The following ARL5A variants were observed in gnomAD, a reference collection of about 807,000 sequenced individuals.
The protein encoded by ARL5A is ADP-ribosylation factor-like protein 5A.
ARL5A carries 18 observed loss-of-function variants against 25.9 expected under a neutral mutation model. The observed-to-expected ratio is 0.69, with a 90% confidence interval of 0.48 to 1.03. ARL5A has a LOEUF of 1.03. ARL5A is among the 50% of genes least tolerant of loss of function. The pLI, the probability that ARL5A is intolerant of heterozygous loss-of-function variation, is 0.00. For missense variants in ARL5A, 170 were observed against 211.9 expected, an observed-to-expected ratio of 0.80 and a Z score of 1.23; for synonymous variants, 61 against 67.5, an observed-to-expected ratio of 0.90 and a Z score of 0.47.
Position 151,803,276 on chromosome 2 carries a change from T to C in ARL5A, c.540A>G (p.Ter180TrpextTer19). Reference protein sequence around the residue: ...EWMMSRLKIR* With the variant: ...EWMMSRLKIRW ...ATCTATGAGAAGAGGTCAGTAGAGA[T>C]CATCTAATCTTAAGTCGTGACATCA... The change falls in exon 6 of 6, where the codon TGA (stop) becomes TGG (tryptophan). Residue 180 changes from the stop codon to tryptophan, a stop_lost. Transcript: ENST00000295087. 6.2e-7 allele frequency: 1 copy of C among 1,611,436 alleles called. No individual in the cohort carries two copies. The highest frequency in any genetic ancestry group is 8.5e-7 in the Non-Finnish European group (1 of 1,177,692).
Position 151,812,385 on chromosome 2 carries a change from T to C in ARL5A, c.311A>G (p.Glu104Gly). The C allele has an allele frequency of 6.2e-7, 1 of 1,606,246 alleles. No homozygotes were observed. Among genetic ancestry groups the C allele is most frequent in the South Asian group, 1.1e-5 (1 of 89,826 alleles). ...TDRERISVTR[E>G]ELYKMLAHED... ...ATGCGCTAACATTTTATAGAGTTCTTCTCTAGTTACAGAAATCCTCTCTCT... is the reference window on the plus strand; with the variant it reads ...ATGCGCTAACATTTTATAGAGTTCTCCTCTAGTTACAGAAATCCTCTCTCT... The change falls in exon 4 of 6, where the codon GAA becomes GGA. Residue 104 changes from glutamate (E) to glycine (G), a missense_variant. Transcript: ENST00000295087.
chr2:151,802,675 A>G lies in ARL5A; in HGVS notation c.*601T>C, dbSNP rs1055023795. On this transcript the variant is annotated 3_prime_UTR_variant, in exon 6 of 6. Transcript: ENST00000295087. Reference sequence around the variant, plus strand: ...TTAGTACAATACAGAGAACACAGAGAGAAAGTATAAAATGGCACTGAACAC... The same window carrying G: ...TTAGTACAATACAGAGAACACAGAGGGAAAGTATAAAATGGCACTGAACAC... The G allele has an allele frequency of 1.3e-5, 2 of 152,368 alleles. No individual in the cohort carries two copies. The highest frequency in any genetic ancestry group is 4.8e-5 in the African/African-American group (2 of 41,336). 9.4% of individuals were successfully genotyped at this position (152,368 alleles called of 1,614,324 possible). A position where few individuals can be genotyped will look rare whatever the true frequency, so the allele number is the denominator to read the frequency against.
At chr2:151,811,997 T>C (rs996578841) in intron 4 of ARL5A, among the ~76,000 whole-genome samples, 6 of 152,212 alleles carry the variant, frequency 3.9e-5, no homozygotes, top group Non-Finnish European at 8.8e-5. Flanking sequence ...CAATCAAGAA[T>C]TGCTAAGCAC....
chr2:151,812,557 T>G lies in ARL5A; in HGVS notation c.256-117A>C. On this transcript the variant is annotated intron_variant, in intron 3 of 5. Coordinates refer to ENST00000295087, the MANE Select transcript of ARL5A (RefSeq NM_012097.4). ...TCAAGAAATTGGAATCTTATGGTAT[T>G]GTTGGAAAATCAGAGCTACCTATAC... 4.9e-6 allele frequency: 3 copies of G among 616,376 alleles called. No individual in the cohort carries two copies. In the East Asian group the frequency reaches 9.2e-5, roughly 19 times the overall value. The allele number at this position is 616,376 out of a possible 1,614,324, so 38.2% of individuals were successfully genotyped here.
chr2:151,821,578 A>G (rs1476375251), intron 1 of ARL5A, among the ~76,000 whole-genome samples: 1 of 152,142 alleles, frequency 6.6e-6, no homozygotes, highest in Non-Finnish European at 1.5e-5. Flanking sequence ...ACGTAGCTCT[A>G]TTTGAGTTTT....
chr2:151,827,730 T>C (rs2099833271), intron 1 of ARL5A: 1 of 201,400 alleles, frequency 5.0e-6, no homozygotes, highest in Non-Finnish European at 1.0e-5. Flanking sequence ...CAGCAATCTA[T>C]AACCTTCATT....
intron 5 of ARL5A, 47 bp from the exon 6 acceptor site, chr2:151,803,371 T>A (rs1402695155): frequency 7.1e-7 from 1 of 1,401,454 alleles, no homozygotes; most frequent in Non-Finnish European, 1.0e-6. Context: ...ACTAAGAAGC[T>A]ATGAGCAGCA....
intron 1 of ARL5A, chr2:151,827,871 C>T: frequency 3.9e-6 from 2 of 507,256 alleles, no homozygotes; most frequent in South Asian, 4.9e-5. Flanking sequence ...CACTCTCATT[C>T]GAAATCGGAG....
At chr2:151,827,830 G>C (rs996945613) in intron 1 of ARL5A, 1 of 427,810 alleles carries the variant, frequency 2.3e-6, no homozygotes, top group African/African-American at 2.1e-5. Context: ...TGCTACTCAG[G>C]GACGTCGGAC....
chr2:151,807,523 G>A lies in ARL5A; in HGVS notation c.340-551C>T, dbSNP rs896617371. Reference sequence around the variant, plus strand: ...AAGAGAATTAAGCTCCAAAGAAAACGATGAGTGACTACATTGCAAATCTCC... The same window carrying A: ...AAGAGAATTAAGCTCCAAAGAAAACAATGAGTGACTACATTGCAAATCTCC... On this transcript the variant is annotated intron_variant, in intron 4 of 5. Transcript: ENST00000295087. 1.6e-4 allele frequency among the ~76,000 whole-genome samples: 24 copies of A among 152,218 alleles called. 1 individual carries two copies. In the South Asian group the frequency reaches 1.7e-3, roughly 11 times the overall value.
At chr2:151,823,331 T>C (rs1404675003) in intron 1 of ARL5A, among the ~76,000 whole-genome samples, 1 of 152,180 alleles carries the variant, frequency 6.6e-6, no homozygotes, top group African/African-American at 2.4e-5. Flanking sequence ...CTTAAAAGTC[T>C]TAACAATAAA....
At chr2:151,819,500 ATT>A (rs1031969382) in intron 1 of ARL5A, among the ~76,000 whole-genome samples, 7 of 152,226 alleles carry the variant, frequency 4.6e-5, no homozygotes, top group South Asian at 2.1e-4. Flanking sequence ...TTATTTAAAA[ATT>A]TGTTTCCAAA....
Position 151,828,331 on chromosome 2 carries a change from C to CTG in ARL5A, c.-156_-155insCA. 1 of 621,670 alleles carries CTG rather than the reference C, an allele frequency of 1.6e-6. No homozygotes were observed. Among genetic ancestry groups the CTG allele is most frequent in the Non-Finnish European group, 2.6e-6 (1 of 382,586 alleles). The allele number at this position is 621,670 out of a possible 1,614,324, so 38.5% of individuals were successfully genotyped here. On this transcript the variant is annotated 5_prime_UTR_variant, in exon 1 of 6. An upstream open reading frame in the 5' UTR loses its in-frame stop. Transcript: ENST00000295087. The stretch of plus-strand genomic sequence containing the variant: ...CGCTTCCAGGGAACCGGAGGGAGGC[C>CTG]GAAGCCCAGGCCGCCCTGCCGCGCG...
chr2:151,801,890 T>G lies in ARL5A; in HGVS notation c.*1386A>C, dbSNP rs745492020. On this transcript the variant is annotated 3_prime_UTR_variant, in exon 6 of 6. Coordinates refer to ENST00000295087, the MANE Select transcript of ARL5A (RefSeq NM_012097.4). ...TACCCAAGAATATGTTTTAACACAT[T>G]TAGGATAAGTTTGTTTACAGTTGTG... 4.6e-5 allele frequency: 7 copies of G among 152,092 alleles called. No homozygotes were observed. Among genetic ancestry groups the G allele is most frequent in the Non-Finnish European group, 7.4e-5 (5 of 67,964 alleles). The allele number at this position is 152,092 out of a possible 1,614,324, so 9.4% of individuals were successfully genotyped here. A position where few individuals can be genotyped will look rare whatever the true frequency, so the allele number is the denominator to read the frequency against.
In ARL5A at chr2:151,815,152, T is replaced by C; in HGVS notation, c.94A>G (p.Ile32Val). 2 of 1,606,198 alleles carry C rather than the reference T, an allele frequency of 1.2e-6. No individual in the cohort carries two copies. Among genetic ancestry groups the C allele is most frequent in the African/African-American group, 1.3e-5 (1 of 74,808 alleles). The change falls in exon 2 of 6, where the codon ATT becomes GTT. Residue 32 changes from isoleucine (I) to valine (V), a missense_variant. By Grantham distance (29) the Ile-to-Val change is conservative (BLOSUM62 3). Coordinates refer to ENST00000295087, the MANE Select transcript of ARL5A (RefSeq NM_012097.4). ...VGLDNAGKTT[I>V]LYQFSMNEVV... ...GTTAATACTTACAATTGGTAAAGAA[T>C]GGTAGTTTTCCCTGCATTATCCAGC...
chr2:151,821,257 C>A (rs2099832263), intron 1 of ARL5A, among the ~76,000 whole-genome samples: 1 of 152,134 alleles, frequency 6.6e-6, no homozygotes. Flanking sequence ...TGCAACCATG[C>A]CCCCAAACTC....
At chr2:151,811,747 A>AT (rs2099830876) in intron 4 of ARL5A, among the ~76,000 whole-genome samples, 1 of 151,366 alleles carries the variant, frequency 6.6e-6, no homozygotes, top group Non-Finnish European at 1.5e-5. Flanking sequence ...AATTTTGTTT[A>AT]TTTTTCGTAG....
chr2:151,821,783 TTTTTTC>T (rs2099832356), intron 1 of ARL5A, among the ~76,000 whole-genome samples: 3 of 96,448 alleles, frequency 3.1e-5, no homozygotes, highest in African/African-American at 1.2e-4. Flanking sequence ...TTCTTTTTTT[TTTTTTC>T]TTTTTTTTTT....
chr2:151,814,604 C>T (rs2099831269), intron 2 of ARL5A, among the ~76,000 whole-genome samples: 1 of 151,738 alleles, frequency 6.6e-6, no homozygotes, highest in African/African-American at 2.4e-5. Context: ...TGTGATCATA[C>T]ATAATCAGTG....
Sources: gnomAD v4.1 joint callset for allele counts (sites outside exome capture counted in the v4.1 genomes callset) on GRCh38, gnomAD v4.1.1 for gene constraint, MANE v1.5 for transcripts, NCBI Gene and HGNC (gene_info 2026-07-23, HGNC 2026-07-21) for gene names.